The following DLGAP2 variants were observed in gnomAD, a reference collection of about 807,000 sequenced individuals.
DLGAP2 encodes the protein disks large-associated protein 2.
In DLGAP2, 26 loss-of-function variants were observed where a neutral mutation model predicts 100.3. The ratio of observed to expected loss-of-function variants is 0.26; its 90% CI spans 0.19 to 0.36. The LOEUF (loss-of-function observed/expected upper bound fraction) is 0.36. Ranked by LOEUF, DLGAP2 falls within the 10% of genes least tolerant of loss-of-function variation. The probability of loss-of-function intolerance (pLI) is 1.00; values close to 1 mark genes in which losing one functional copy is unlikely to be tolerated. For missense variants in DLGAP2, 1,858 were observed against 1,453.2 expected (o/e 1.28, Z -4.53); for synonymous variants, 886 against 630.1 (o/e 1.41, Z -6.08).
At chr8:1,194,066 G>A (rs993807695) in intron 2 of DLGAP2, among the ~76,000 whole-genome samples, 1 of 152,176 alleles carries the variant, frequency 6.6e-6, no homozygotes, top group Non-Finnish European at 1.5e-5. Flanking sequence ...AACGTGACAG[G>A]TGTGAACTGG....
intron 6 of DLGAP2, among the ~76,000 whole-genome samples, chr8:1,567,617 T>G (rs1443718129): frequency 1.3e-5 from 2 of 152,166 alleles, no homozygotes; most frequent in Admixed American, 6.5e-5. Context: ...ACCTCATTCT[T>G]CAGTGGCAGA....
At chr8:1,656,949 G>A (rs1486930096) in intron 8 of DLGAP2, among the ~76,000 whole-genome samples, 1 of 151,998 alleles carries the variant, frequency 6.6e-6, no homozygotes, top group East Asian at 1.9e-4. Flanking sequence ...GAATTACAAA[G>A]CCCAGGTATG....
intron 2 of DLGAP2, among the ~76,000 whole-genome samples, chr8:1,163,325 G>A (rs1796928486): frequency 6.6e-6 from 1 of 152,216 alleles, no homozygotes; most frequent in Non-Finnish European, 1.5e-5. Context: ...CCCCCTGCCT[G>A]CTGCCGGCCT....
intron 1 of DLGAP2, among the ~76,000 whole-genome samples, chr8:889,718 G>C (rs1235711998): frequency 1.3e-5 from 2 of 152,240 alleles, no homozygotes; most frequent in Non-Finnish European, 1.5e-5. Context: ...GTGAGCCCCA[G>C]TGCTGGCTGC....
intron 2 of DLGAP2, among the ~76,000 whole-genome samples, chr8:1,215,241 TAGG>T (rs1563258693): frequency 1.3e-5 from 2 of 152,206 alleles, no homozygotes; most frequent in African/African-American, 2.4e-5. Flanking sequence ...AATTTGTGAG[TAGG>T]AGAAGAGAAA....
At chr8:1,435,918 T>A (rs899940379) in intron 3 of DLGAP2, among the ~76,000 whole-genome samples, 1 of 151,566 alleles carries the variant, frequency 6.6e-6, no homozygotes, top group African/African-American at 2.4e-5. Context: ...AGTAAAAGGG[T>A]TATAGAATAA....
chr8:860,007 G>T (rs1018925858), intron 1 of DLGAP2, among the ~76,000 whole-genome samples: 1 of 152,204 alleles, frequency 6.6e-6, no homozygotes, highest in African/African-American at 2.4e-5. Flanking sequence ...GTAAAAAGTA[G>T]ATTAAAGTTA....
chr8:1,591,440 T>A (rs1796287376), intron 6 of DLGAP2, among the ~76,000 whole-genome samples: 1 of 152,110 alleles, frequency 6.6e-6, no homozygotes, highest in South Asian at 2.1e-4. Flanking sequence ...ACTGGGCATT[T>A]TTCAATTCTT....
In DLGAP2 at chr8:1,094,650, C is replaced by G. The variant is rs186769825; in HGVS notation, c.74-164201C>G. 3.8e-3 allele frequency among the ~76,000 whole-genome samples: 576 copies of G among 152,280 alleles called. 6 individuals carry two copies. Among genetic ancestry groups the G allele is most frequent in the African/African-American group, 0.013 (551 of 41,556 alleles). ...TATGAGGCTTCTTTAGGGATTTACC[C>G]GAAGCCCTCAAAATGCCCTCTGTTT... is the stretch of plus-strand genomic sequence containing the variant. On this transcript the variant is annotated intron_variant, in intron 2 of 14. Coordinates refer to ENST00000637795, the MANE Select transcript of DLGAP2 (RefSeq NM_001346810.2).
chr8:1,411,548 C>A (rs1796731379), intron 3 of DLGAP2, among the ~76,000 whole-genome samples: 1 of 152,170 alleles, frequency 6.6e-6, no homozygotes, highest in East Asian at 1.9e-4. Context: ...GCCGGTAGAG[C>A]CTTGGGCAGA....
At chr8:1,202,687 T>C (rs1563250720) in intron 2 of DLGAP2, among the ~76,000 whole-genome samples, 1 of 152,116 alleles carries the variant, frequency 6.6e-6, no homozygotes, top group Non-Finnish European at 1.5e-5. Context: ...AGGCAGCAAG[T>C]GGGGCCCCAG....
At chr8:1,372,240 A>C (rs550912639) in intron 3 of DLGAP2, among the ~76,000 whole-genome samples, 2 of 151,858 alleles carry the variant, frequency 1.3e-5, no homozygotes, top group South Asian at 2.1e-4. Flanking sequence ...CGTGGTGCCA[A>C]CGCTGGGACG....
chr8:1,200,839 G>A (rs547591197), intron 2 of DLGAP2, among the ~76,000 whole-genome samples: 3 of 152,328 alleles, frequency 2.0e-5, no homozygotes, highest in East Asian at 1.9e-4. Flanking sequence ...TTTGTTTTCC[G>A]TTCCCACATA....
chr8:982,304 A>C (rs1800359181), intron 2 of DLGAP2, among the ~76,000 whole-genome samples: 1 of 152,238 alleles, frequency 6.6e-6, no homozygotes, highest in African/African-American at 2.4e-5. Flanking sequence ...GCAGGCACTC[A>C]GCATGTGCGA....
chr8:1,272,328 T>C (rs892801933), intron 3 of DLGAP2, among the ~76,000 whole-genome samples: 9 of 152,116 alleles, frequency 5.9e-5, no homozygotes, highest in African/African-American at 2.2e-4. Context: ...TGTGCAAGCA[T>C]ATTGTGGTAG....
At chr8:1,316,913 G>A (rs1173660656) in intron 3 of DLGAP2, among the ~76,000 whole-genome samples, 9 of 112,586 alleles carry the variant, frequency 8.0e-5, no homozygotes, top group East Asian at 5.1e-4. Flanking sequence ...CGAGTGCAGC[G>A]TCTCTCCAAC....
At chr8:1,321,797 A>G (rs1800907724) in intron 3 of DLGAP2, among the ~76,000 whole-genome samples, 1 of 152,228 alleles carries the variant, frequency 6.6e-6, no homozygotes, top group Non-Finnish European at 1.5e-5. Context: ...TTAGAATTCT[A>G]AGGCAAAGAA....
intron 3 of DLGAP2, among the ~76,000 whole-genome samples, chr8:1,314,136 C>G (rs1800674172): frequency 6.6e-6 from 1 of 152,128 alleles, no homozygotes; most frequent in Non-Finnish European, 1.5e-5. Context: ...AAAATTGTAA[C>G]CTTTCATAAA....
intron 3 of DLGAP2, among the ~76,000 whole-genome samples, chr8:1,389,470 A>C (rs929358181): frequency 1.3e-5 from 2 of 152,082 alleles, no homozygotes; most frequent in Admixed American, 6.5e-5. Flanking sequence ...GAGCTGGAAG[A>C]AGTGTCGATG....
Sources: gnomAD v4.1 joint callset for allele counts (sites outside exome capture counted in the v4.1 genomes callset) on GRCh38, gnomAD v4.1.1 for gene constraint, MANE v1.5 for transcripts, NCBI Gene and HGNC (gene_info 2026-07-23, HGNC 2026-07-21) for gene names.